MACROD2: variants seen among roughly 807,000 people sequenced by gnomAD.
The protein encoded by MACROD2 is mono-ADP ribosylhydrolase 2.
A neutral mutation model predicts 70.4 loss-of-function variants in MACROD2; 36 were observed. The ratio of observed to expected loss-of-function variants is 0.51; its 90% CI spans 0.39 to 0.68. MACROD2 has a LOEUF of 0.68. MACROD2 is among the 30% of genes least tolerant of loss of function. MACROD2 has a pLI of 0.00. For synonymous variants in MACROD2, 172 were observed against 178.8 expected (o/e 0.96, Z 0.30); for missense variants, 496 against 538.4 (o/e 0.92, Z 0.78).
At chr20:14,259,557 A>G (rs970893653) in intron 3 of MACROD2, among the ~76,000 whole-genome samples, 1 of 152,230 alleles carries the variant, frequency 6.6e-6, no homozygotes, top group Non-Finnish European at 1.5e-5. Context: ...AAAAACAGAA[A>G]GATGAGCTGT....
At chr20:15,356,952 A>C (rs536044485) in intron 6 of MACROD2, among the ~76,000 whole-genome samples, 14 of 152,368 alleles carry the variant, frequency 9.2e-5, no homozygotes, top group Admixed American at 3.9e-4. Flanking sequence ...AATTCAGAAT[A>C]TAACAAACTT....
intron 3 of MACROD2, among the ~76,000 whole-genome samples, chr20:14,462,958 T>A (rs999227899): frequency 2.0e-5 from 3 of 152,122 alleles, no homozygotes; most frequent in Admixed American, 2.0e-4. Flanking sequence ...TAGTTTGAAG[T>A]CAGGTAGCAT....
At chr20:15,204,435 C>T (rs1015469737) in intron 5 of MACROD2, among the ~76,000 whole-genome samples, 3 of 152,108 alleles carry the variant, frequency 2.0e-5, no homozygotes, top group East Asian at 1.9e-4. Context: ...CTCAGCATCA[C>T]TTCTTTTTAT....
At chr20:15,038,361 ATGAGGTCTTC>A (rs2075330120) in intron 5 of MACROD2, among the ~76,000 whole-genome samples, 1 of 152,198 alleles carries the variant, frequency 6.6e-6, no homozygotes, top group African/African-American at 2.4e-5. Context: ...AAAGGAGGAA[ATGAGGTCTTC>A]TGGTTGTAAA....
Position 14,727,216 on chromosome 20 carries a change from G to A in MACROD2, c.418+42257G>A, listed in dbSNP as rs561698679. On this transcript the variant is annotated intron_variant, in intron 5 of 17. Transcript: ENST00000684519. ...CTGCCAGCCAGTACTTTGTACTTTGGAAAGGAAGCCATAGATCCAGATATT... is the reference window on the plus strand; with the variant it reads ...CTGCCAGCCAGTACTTTGTACTTTGAAAAGGAAGCCATAGATCCAGATATT... 9.2e-5 allele frequency among the ~76,000 whole-genome samples: 14 copies of A among 152,202 alleles called. No individual in the cohort carries two copies. The East Asian group carries it at 2.5e-3, about 27-fold the overall frequency.
At chr20:14,706,965 C>A (rs930920513) in intron 5 of MACROD2, among the ~76,000 whole-genome samples, 1 of 152,218 alleles carries the variant, frequency 6.6e-6, no homozygotes, top group Middle Eastern at 3.4e-3. Flanking sequence ...GCTAGGAGCT[C>A]AAATTTAGAT....
At chr20:15,064,239 T>C (rs1285597813) in intron 5 of MACROD2, among the ~76,000 whole-genome samples, 1 of 152,106 alleles carries the variant, frequency 6.6e-6, no homozygotes, top group Non-Finnish European at 1.5e-5. Context: ...CTTCTCCAGC[T>C]CACCTCTCTA....
intron 3 of MACROD2, among the ~76,000 whole-genome samples, chr20:14,258,216 T>C (rs111242622): frequency 3.9e-5 from 6 of 152,190 alleles, no homozygotes; most frequent in Admixed American, 3.9e-4. Flanking sequence ...GTGTCTTTTT[T>C]CATATAATGA....
chr20:14,639,914 G>A (rs1984997743), intron 4 of MACROD2, among the ~76,000 whole-genome samples: 1 of 152,026 alleles, frequency 6.6e-6, no homozygotes, highest in South Asian at 2.1e-4. Context: ...CCTCAAGCAA[G>A]CGAACTACAC....
intron 5 of MACROD2, among the ~76,000 whole-genome samples, chr20:14,758,454 C>T (rs2071971255): frequency 5.9e-5 from 9 of 152,142 alleles, no homozygotes; most frequent in Admixed American, 5.9e-4. Flanking sequence ...TAGCTGGATT[C>T]AGGCCTGTGA....
At chr20:15,258,210 G>T (rs1241655131) in intron 6 of MACROD2, among the ~76,000 whole-genome samples, 1 of 151,866 alleles carries the variant, frequency 6.6e-6, no homozygotes, top group South Asian at 2.1e-4. Context: ...ATACATTAAG[G>T]TTACTTTATT....
chr20:15,727,953 T>C (rs184543558), intron 8 of MACROD2, among the ~76,000 whole-genome samples: 1 of 152,054 alleles, frequency 6.6e-6, no homozygotes, highest in Admixed American at 6.5e-5. Flanking sequence ...ACTAGGAGTT[T>C]CAGTACTATG....
intron 7 of MACROD2, among the ~76,000 whole-genome samples, chr20:15,466,490 G>C (rs760851208): frequency 6.6e-5 from 10 of 152,138 alleles, no homozygotes; most frequent in Non-Finnish European, 1.5e-4. Context: ...TTATGAACTG[G>C]ATCAGAATCT....
At chr20:14,951,430 A>G (rs74923238) in intron 5 of MACROD2, among the ~76,000 whole-genome samples, 4,860 of 152,220 alleles carry the variant, frequency 0.032, 265 homozygotes, top group African/African-American at 0.11. Context: ...ATGGCTTCTC[A>G]GAGCACTCTA....
chr20:14,207,302 A>C (rs369670947), intron 3 of MACROD2, among the ~76,000 whole-genome samples: 12 of 152,158 alleles, frequency 7.9e-5, no homozygotes, highest in African/African-American at 2.9e-4. Context: ...GGGTTTCACC[A>C]TGTTGGCCAG....
intron 12 of MACROD2, among the ~76,000 whole-genome samples, chr20:15,940,444 C>T (rs142609696): frequency 7.1e-4 from 108 of 152,230 alleles, no homozygotes; most frequent in African/African-American, 2.4e-3. Flanking sequence ...TGCCATCAAA[C>T]AGCATTGCAT....
chr20:14,395,997 G>A (rs1422961545), intron 3 of MACROD2, among the ~76,000 whole-genome samples: 1 of 152,180 alleles, frequency 6.6e-6, no homozygotes, highest in Non-Finnish European at 1.5e-5. Context: ...TCAAGTGACT[G>A]TTCCACCTCA....
intron 3 of MACROD2, among the ~76,000 whole-genome samples, chr20:14,450,708 G>A (rs1181701615): frequency 2.0e-5 from 3 of 152,050 alleles, no homozygotes; most frequent in African/African-American, 7.3e-5. Context: ...GGCTAACATG[G>A]GAGACCCAGA....
intron 5 of MACROD2, among the ~76,000 whole-genome samples, chr20:15,160,313 A>C (rs1353265468): frequency 6.6e-6 from 1 of 152,076 alleles, no homozygotes; most frequent in African/African-American, 2.4e-5. Context: ...ATGGTGAACT[A>C]TCATAGCGAT....
Sources: allele counts gnomAD v4.1 joint callset (sites outside exome capture counted in the v4.1 genomes callset), GRCh38; gene constraint gnomAD v4.1.1; transcripts MANE v1.5; gene names NCBI Gene and HGNC (gene_info 2026-07-23, HGNC 2026-07-21).